DSCAM: variants seen among roughly 807,000 people sequenced by gnomAD.
DSCAM encodes the protein DS cell adhesion molecule, also known as cell adhesion molecule DSCAM.
DSCAM carries 47 observed loss-of-function variants against 217.7 expected under a neutral mutation model. That is an observed-to-expected ratio of 0.22 (90% CI 0.17 to 0.28). The LOEUF (loss-of-function observed/expected upper bound fraction) is 0.28, where lower values mean the gene tolerates loss of function less well. DSCAM is among the 10% of genes least tolerant of loss of function. The probability of loss-of-function intolerance (pLI) is 1.00; values close to 1 mark genes in which losing one functional copy is unlikely to be tolerated. For synonymous variants in DSCAM, 1,056 were observed against 1,015.3 expected (o/e 1.04, Z -0.76); for missense variants, 2,080 against 2,618.3 (o/e 0.79, Z 4.49).
chr21:40,208,885 A>AT (rs934202775), intron 11 of DSCAM, among the ~76,000 whole-genome samples: 2 of 152,142 alleles, frequency 1.3e-5, no homozygotes, highest in African/African-American at 4.8e-5. Flanking sequence ...AGATTAAGAA[A>AT]TTTTTGCTGG....
intron 11 of DSCAM, among the ~76,000 whole-genome samples, chr21:40,216,613 T>C (rs192394391): frequency 9.2e-5 from 14 of 152,216 alleles, no homozygotes; most frequent in Admixed American, 9.2e-4. Flanking sequence ...TATAGGAAAA[T>C]GTCAATACTG....
chr21:40,155,200 G>T (rs901526339), intron 16 of DSCAM, among the ~76,000 whole-genome samples: 1 of 152,168 alleles, frequency 6.6e-6, no homozygotes. Flanking sequence ...GCCTATCAGT[G>T]CTCTCTGCCA....
rs73902157 is a variant in DSCAM at position 40,355,039 on chromosome 21, G to A, written c.656-1296C>T. Among the ~76,000 whole-genome samples, 1,421 of 152,238 alleles carry A rather than the reference G, an allele frequency of 9.3e-3. 15 individuals are homozygous for A. Among genetic ancestry groups the A allele is most frequent in the African/African-American group, 0.033 (1,355 of 41,518 alleles). ...AGAGTTAGGGACTAAAGGGAGAGTGGTGGATGAGACAGGTGTCTTCCTGGA... is the reference window on the plus strand; with the variant it reads ...AGAGTTAGGGACTAAAGGGAGAGTGATGGATGAGACAGGTGTCTTCCTGGA... On this transcript the variant is annotated intron_variant, in intron 4 of 32. Coordinates refer to ENST00000400454, the MANE Select transcript of DSCAM (RefSeq NM_001389.5).
At chr21:40,391,331 G>T (rs2210268) in intron 3 of DSCAM, among the ~76,000 whole-genome samples, 102,752 of 152,144 alleles carry the variant, frequency 0.68, 35,599 homozygotes, top group African/African-American at 0.82. Context: ...ATAGAAATCT[G>T]GAGGGAGGCT....
chr21:40,777,637 G>A (rs2091500767), intron 1 of DSCAM, among the ~76,000 whole-genome samples: 1 of 152,182 alleles, frequency 6.6e-6, no homozygotes, highest in Admixed American at 6.5e-5. Flanking sequence ...GATGAAGAAT[G>A]TGAAAGAGAC....
intron 3 of DSCAM, among the ~76,000 whole-genome samples, chr21:40,429,433 A>T (rs2075509212): frequency 6.6e-6 from 1 of 151,810 alleles, no homozygotes; most frequent in Non-Finnish European, 1.5e-5. Flanking sequence ...CGCCTGGCTA[A>T]TTTTTTGTAT....
chr21:40,027,669 C>T (rs1170776849), intron 32 of DSCAM, among the ~76,000 whole-genome samples: 2,796 of 26,880 alleles, frequency 0.1, 149 homozygotes, highest in Middle Eastern at 0.16. Flanking sequence ...TTGATCGCAT[C>T]GGCTCCTGAG....
At chr21:40,205,228 G>C (rs1481599775) in intron 11 of DSCAM, among the ~76,000 whole-genome samples, 1 of 151,760 alleles carries the variant, frequency 6.6e-6, no homozygotes, top group African/African-American at 2.4e-5. Flanking sequence ...AGAAGATTCA[G>C]CTCCAAGGAA....
At chr21:40,797,825 A>G (rs969704110) in intron 1 of DSCAM, among the ~76,000 whole-genome samples, 1 of 152,142 alleles carries the variant, frequency 6.6e-6, no homozygotes, top group Admixed American at 6.5e-5. Context: ...CTTCAAATTT[A>G]ATACAGTTGT....
At position 40,057,523 on chromosome 21, in the gene DSCAM, C is replaced by G. The variant is rs370973537; in HGVS notation, c.4920-1683G>C. On this transcript the variant is annotated intron_variant, in intron 28 of 32. Transcript: ENST00000400454. ...TAGAAGTGTGAGCTAGTTCCTTCTG[C>G]TCTTCATGAATAGTTATGAGGCAGT... is the stretch of plus-strand genomic sequence containing the variant. 1.1e-4 allele frequency among the ~76,000 whole-genome samples: 17 copies of G among 152,168 alleles called. No homozygotes were observed. In the East Asian group the frequency reaches 1.9e-3, roughly 17 times the overall value.
intron 3 of DSCAM, among the ~76,000 whole-genome samples, chr21:40,395,419 G>C: frequency 6.6e-6 from 1 of 151,476 alleles, no homozygotes; most frequent in Non-Finnish European, 1.5e-5. Context: ...TTCCTACCTG[G>C]AGACTGTAAC....
At chr21:40,636,760 C>CT (rs3070821) in intron 3 of DSCAM, among the ~76,000 whole-genome samples, 23,942 of 133,488 alleles carry the variant, frequency 0.18, 2,291 homozygotes, top group Middle Eastern at 0.28. Context: ...GGTCTCATGA[C>CT]TTTTTTTTTT....
intron 14 of DSCAM, among the ~76,000 whole-genome samples, chr21:40,184,347 T>C (rs2090871018): frequency 6.6e-6 from 1 of 152,202 alleles, no homozygotes; most frequent in Non-Finnish European, 1.5e-5. Flanking sequence ...AGCTCCTTCC[T>C]CCCAGGGCTT....
At chr21:40,574,957 A>G (rs1246592108) in intron 3 of DSCAM, among the ~76,000 whole-genome samples, 1 of 152,124 alleles carries the variant, frequency 6.6e-6, no homozygotes, top group Non-Finnish European at 1.5e-5. Context: ...TTCTAGAACA[A>G]CCATATTGTC....
rs375505469 is a variant in DSCAM, at chr21:40,257,266, T to G, written c.2356+18831A>C. Among the ~76,000 whole-genome samples, 8 of 152,334 alleles carry G rather than the reference T, an allele frequency of 5.3e-5. No homozygotes were observed. In the East Asian group the frequency reaches 7.7e-4, roughly 15 times the overall value. The stretch of plus-strand genomic sequence containing the variant: ...AACCTACACACATCCTCCTGCACAC[T>G]TTAGGTGCCATCTAGACTACATATG... On this transcript the variant is annotated intron_variant, in intron 11 of 32. Transcript: ENST00000400454.
At chr21:40,736,745 G>T (rs146655393) in intron 1 of DSCAM, among the ~76,000 whole-genome samples, 33 of 152,294 alleles carry the variant, frequency 2.2e-4, no homozygotes, top group African/African-American at 7.9e-4. Context: ...TGATGTCACA[G>T]ATTGTCAAGC....
chr21:40,302,241 T>G (rs1031697311), intron 9 of DSCAM, among the ~76,000 whole-genome samples: 4 of 152,118 alleles, frequency 2.6e-5, no homozygotes, highest in Admixed American at 2.0e-4. Flanking sequence ...GCTCCCACAA[T>G]TCCCACCTAT....
At chr21:40,053,026 T>A (rs557012836) in intron 29 of DSCAM, among the ~76,000 whole-genome samples, 4 of 152,322 alleles carry the variant, frequency 2.6e-5, no homozygotes, top group Admixed American at 2.6e-4. Flanking sequence ...CAGGATGCTG[T>A]TGCTAAGAGT....
intron 18 of DSCAM, among the ~76,000 whole-genome samples, chr21:40,140,987 ACATG>A (rs2090283438): frequency 6.6e-6 from 1 of 152,138 alleles, no homozygotes; most frequent in Admixed American, 6.5e-5. Flanking sequence ...TCCAGGTACT[ACATG>A]TGGCAACAAA....
Sources: gnomAD v4.1 joint callset for allele counts (sites outside exome capture counted in the v4.1 genomes callset) on GRCh38, gnomAD v4.1.1 for gene constraint, MANE v1.5 for transcripts, NCBI Gene and HGNC (gene_info 2026-07-23, HGNC 2026-07-21) for gene names.